The following ZSWIM6 variants were observed in gnomAD, a reference collection of about 807,000 sequenced individuals.
The protein encoded by ZSWIM6 is zinc finger SWIM-type containing 6, also known as zinc finger SWIM domain-containing protein 6.
Under a neutral mutation model 113.2 loss-of-function variants are expected in ZSWIM6, and 9 were observed. The observed-to-expected ratio is 0.08, with a 90% confidence interval of 0.05 to 0.14. The LOEUF (loss-of-function observed/expected upper bound fraction) is 0.14, where lower values mean the gene tolerates loss of function less well. ZSWIM6 is among the 10% of genes least tolerant of loss of function. The pLI is 1.00. For missense variants in ZSWIM6, 1,162 were observed against 1,552.2 expected (o/e 0.75, Z 4.22); for synonymous variants, 611 against 606.5 (o/e 1.01, Z -0.11).
chr5:61,539,575 G>A, intron 11 of ZSWIM6, 21 bp from the exon 12 acceptor site: 1 of 1,541,884 alleles, frequency 6.5e-7, no homozygotes, highest in Non-Finnish European at 8.8e-7. Flanking sequence ...GTTTGGTTTG[G>A]TTTTCCCTTG....
intron 4 of ZSWIM6, among the ~76,000 whole-genome samples, chr5:61,505,968 G>A (rs994437804): frequency 3.3e-5 from 5 of 151,390 alleles, no homozygotes; most frequent in East Asian, 3.9e-4. Context: ...GGATGGTCTC[G>A]ATCTCCTGAC....
chr5:61,477,360 A>T (rs1195608927), intron 2 of ZSWIM6, among the ~76,000 whole-genome samples: 1 of 152,162 alleles, frequency 6.6e-6, no homozygotes, highest in African/African-American at 2.4e-5. Context: ...CAGCTAGCCA[A>T]ATGTAGAAGG....
chr5:61,412,940 A>G (rs1746174483), intron 1 of ZSWIM6, among the ~76,000 whole-genome samples: 1 of 152,024 alleles, frequency 6.6e-6, no homozygotes, highest in Admixed American at 6.6e-5. Flanking sequence ...AGCAAAAATA[A>G]ACTTGCAGTA....
At chr5:61,424,341 T>A (rs1442468207) in intron 1 of ZSWIM6, among the ~76,000 whole-genome samples, 1 of 152,204 alleles carries the variant, frequency 6.6e-6, no homozygotes, top group Non-Finnish European at 1.5e-5. Flanking sequence ...TTACTAGCTC[T>A]GAGAGAATTA....
At chr5:61,494,660 A>C (rs1015899871) in intron 4 of ZSWIM6, among the ~76,000 whole-genome samples, 2 of 152,008 alleles carry the variant, frequency 1.3e-5, no homozygotes, top group African/African-American at 4.8e-5. Context: ...TCTCCCTTTA[A>C]GTATTTGGAA....
intron 2 of ZSWIM6, among the ~76,000 whole-genome samples, chr5:61,484,787 A>G (rs1238814127): frequency 2.0e-5 from 3 of 152,176 alleles, no homozygotes; most frequent in African/African-American, 7.2e-5. Flanking sequence ...TAGGGTTGAC[A>G]GCCCCTGCCC....
At chr5:61,468,158 A>G (rs538922268) in intron 1 of ZSWIM6, among the ~76,000 whole-genome samples, 17 of 152,328 alleles carry the variant, frequency 1.1e-4, no homozygotes, top group Middle Eastern at 6.8e-3. Context: ...AGATTCAGAG[A>G]GGTTAAATAT....
intron 1 of ZSWIM6, among the ~76,000 whole-genome samples, chr5:61,424,398 A>G (rs748343229): frequency 2.6e-5 from 4 of 152,220 alleles, no homozygotes; most frequent in Non-Finnish European, 4.4e-5. Flanking sequence ...AGGAGAAAAT[A>G]AAGATGTAGA....
Position 61,334,974 on chromosome 5 carries a change from A to G in ZSWIM6, c.676+2026A>G, listed in dbSNP as rs4305611. 8.6e-3 allele frequency among the ~76,000 whole-genome samples: 1,285 copies of G among 149,970 alleles called. 28 individuals are homozygous for G. The highest frequency in any genetic ancestry group is 0.076 in the South Asian group (362 of 4,760). Reference sequence around the variant, plus strand: ...AGGAATGACAGGAGAGCGCATAGGGAGGGTTTCTTGGCTGATTGCATTTAA... The same window carrying G: ...AGGAATGACAGGAGAGCGCATAGGGGGGGTTTCTTGGCTGATTGCATTTAA... On this transcript the variant is annotated intron_variant, in intron 1 of 13. Transcript: ENST00000252744.
intron 12 of ZSWIM6, among the ~76,000 whole-genome samples, chr5:61,540,700 C>T (rs1161894046): frequency 6.7e-6 from 1 of 150,046 alleles, no homozygotes; most frequent in African/African-American, 2.5e-5. Flanking sequence ...CACCATTTGC[C>T]TCATCTTAAA....
At chr5:61,426,079 C>T (rs1398166992) in intron 1 of ZSWIM6, among the ~76,000 whole-genome samples, 1 of 152,158 alleles carries the variant, frequency 6.6e-6, no homozygotes, top group East Asian at 1.9e-4. Context: ...CTGGAGGCTG[C>T]TTTTAAAACA....
At chr5:61,490,753 C>G in intron 2 of ZSWIM6, 33 bp from the exon 3 acceptor site, 1 of 1,538,984 alleles carries the variant, frequency 6.5e-7, no homozygotes, top group Non-Finnish European at 8.8e-7. Flanking sequence ...TTTTATCTAG[C>G]CTGTGTGTTA....
intron 1 of ZSWIM6, among the ~76,000 whole-genome samples, chr5:61,336,973 C>A (rs899952310): frequency 6.6e-6 from 1 of 152,198 alleles, no homozygotes; most frequent in African/African-American, 2.4e-5. Context: ...TACTCATCTT[C>A]ATTCTTACAT....
rs372435083 is a variant in ZSWIM6 at position 61,449,767 on chromosome 5, C to T, written c.677-22914C>T. 1.5e-4 allele frequency among the ~76,000 whole-genome samples: 23 copies of T among 152,240 alleles called. No individual in the cohort carries two copies. The East Asian group carries it at 3.7e-3, about 24-fold the overall frequency. The stretch of plus-strand genomic sequence containing the variant: ...GGGGCACCCATTCCATCACTTTATG[C>T]TCTTTTCCCCTCTCCTTGTAAGGGT... On this transcript the variant is annotated intron_variant, in intron 1 of 13. Transcript: ENST00000252744.
chr5:61,537,530 C>G (rs1490127302), intron 10 of ZSWIM6, among the ~76,000 whole-genome samples: 1 of 151,470 alleles, frequency 6.6e-6, no homozygotes, highest in Non-Finnish European at 1.5e-5. Context: ...CTGGCAAGAC[C>G]TGCCTGTGAA....
intron 1 of ZSWIM6, among the ~76,000 whole-genome samples, chr5:61,434,805 G>A (rs1561236214): frequency 6.6e-6 from 1 of 152,076 alleles, no homozygotes; most frequent in Non-Finnish European, 1.5e-5. Flanking sequence ...AGTGGAGGAT[G>A]TGAAAAAAAG....
rs551352748 is a variant in ZSWIM6, at chr5:61,422,005, C to T, written c.677-50676C>T. ...TTTGCAAATATTTTCTCCCATTCTG[C>T]GAGTTGTCTCTTCAGTTTGTTGATC... is the stretch of plus-strand genomic sequence containing the variant. On this transcript the variant is annotated intron_variant, in intron 1 of 13. Coordinates refer to ENST00000252744, the MANE Select transcript of ZSWIM6 (RefSeq NM_020928.2). Among the ~76,000 whole-genome samples the T allele has an allele frequency of 1.1e-4, 17 of 152,216 alleles. No individual in the cohort carries two copies. The South Asian group carries it at 2.5e-3, about 22-fold the overall frequency.
chr5:61,458,749 G>A, intron 1 of ZSWIM6, among the ~76,000 whole-genome samples: 1 of 151,830 alleles, frequency 6.6e-6, no homozygotes, highest in Non-Finnish European at 1.5e-5. Context: ...ATGGTGGCAG[G>A]CACTTGTGGT....
intron 4 of ZSWIM6, among the ~76,000 whole-genome samples, chr5:61,502,827 T>C (rs1324812537): frequency 6.6e-6 from 1 of 152,138 alleles, no homozygotes; most frequent in Admixed American, 6.5e-5. Context: ...GGTTGCGTGC[T>C]CCTTATGAGA....
Sources: allele counts gnomAD v4.1 joint callset (sites outside exome capture counted in the v4.1 genomes callset), GRCh38; gene constraint gnomAD v4.1.1; transcripts MANE v1.5; gene names NCBI Gene and HGNC (gene_info 2026-07-23, HGNC 2026-07-21).